The following SCAI variants were observed in gnomAD, a reference collection of about 807,000 sequenced individuals.
The protein encoded by SCAI is suppressor of cancer cell invasion.
In SCAI, 24 loss-of-function variants were observed where a neutral mutation model predicts 92.2. The observed-to-expected ratio is 0.26, with a 90% CI of 0.19 to 0.37. SCAI has a LOEUF of 0.37. SCAI is among the 10% of genes least tolerant of loss of function. The pLI, the probability that SCAI is intolerant of heterozygous loss-of-function variation, is 1.00. For missense variants in SCAI, 450 were observed against 736.2 expected (o/e 0.61, Z 4.50); for synonymous variants, 261 against 258.6 (o/e 1.01, Z -0.09).
chr9:125,000,107 T>C, intron 12 of SCAI, 117 bp from the exon 13 acceptor site: 1 of 477,780 alleles, frequency 2.1e-6, no homozygotes. Context: ...TAATTACACA[T>C]TTAAATTATT....
chr9:125,058,996 T>C (rs1223512565), intron 2 of SCAI, among the ~76,000 whole-genome samples: 2 of 152,164 alleles, frequency 1.3e-5, no homozygotes, highest in African/African-American at 4.8e-5. Flanking sequence ...AATATAGATA[T>C]AAATAAATGA....
At chr9:125,033,463 T>TAAC (rs201793470) in intron 3 of SCAI, among the ~76,000 whole-genome samples, 8,215 of 151,720 alleles carry the variant, frequency 0.054, 361 homozygotes, top group East Asian at 0.14. Context: ...AAATAAGGTA[T>TAAC]AACAACAACA....
At chr9:124,979,876 C>T (rs1311531262) in intron 14 of SCAI, among the ~76,000 whole-genome samples, 1 of 151,902 alleles carries the variant, frequency 6.6e-6, no homozygotes, top group Non-Finnish European at 1.5e-5. Flanking sequence ...GGTGAAACCC[C>T]ATCTCTACTA....
At chr9:125,018,235 C>T (rs1359250197) in intron 9 of SCAI, among the ~76,000 whole-genome samples, 1 of 151,856 alleles carries the variant, frequency 6.6e-6, no homozygotes, top group African/African-American at 2.4e-5. Flanking sequence ...GCTGGGATTA[C>T]AGGAGCATGC....
chr9:124,965,351 A>G (rs1831519672), intron 17 of SCAI, among the ~76,000 whole-genome samples: 1 of 152,046 alleles, frequency 6.6e-6, no homozygotes, highest in African/African-American at 2.4e-5. Context: ...CTCCTGTCTC[A>G]GCCTCCCGAG....
At chr9:125,018,060 T>C (rs1000712713) in intron 9 of SCAI, among the ~76,000 whole-genome samples, 1 of 151,936 alleles carries the variant, frequency 6.6e-6, no homozygotes, top group African/African-American at 2.4e-5. Context: ...TTTTGCTTGA[T>C]TGGAAAGTAG....
At chr9:124,997,528 A>G (rs1832264330) in intron 13 of SCAI, among the ~76,000 whole-genome samples, 1 of 152,178 alleles carries the variant, frequency 6.6e-6, no homozygotes, top group South Asian at 2.1e-4. Context: ...AGCTAGAAAA[A>G]TTCTAGAGCC....
chr9:125,034,816 G>T (rs576206267), intron 3 of SCAI, among the ~76,000 whole-genome samples: 8 of 152,124 alleles, frequency 5.3e-5, no homozygotes, highest in Admixed American at 2.0e-4. Flanking sequence ...ACTTAAGGAT[G>T]AATTCATTTG....
intron 2 of SCAI, among the ~76,000 whole-genome samples, chr9:125,079,017 T>C (rs1041949451): frequency 9.8e-5 from 15 of 152,334 alleles, no homozygotes; most frequent in African/African-American, 3.4e-4. Flanking sequence ...GATTCATCTA[T>C]TTTTGATATT....
chr9:125,121,483 G>C (rs1022063441), intron 2 of SCAI, among the ~76,000 whole-genome samples: 1 of 151,954 alleles, frequency 6.6e-6, no homozygotes, highest in Non-Finnish European at 1.5e-5. Flanking sequence ...CTTTGGAAAT[G>C]GCTAGAACTG....
In SCAI at chr9:125,046,196, G is replaced by GAGATATATAT. The variant is rs371482525; in HGVS notation, c.230+9679_230+9680insATATATATCT. On this transcript the variant is annotated intron_variant, in intron 3 of 17. Transcript: ENST00000336505. The stretch of plus-strand genomic sequence containing the variant: ...CAACAAGTGAATAAAGAAATTGTGA[G>GAGATATATAT]ATATATATATATATATATATATATA... Among the ~76,000 whole-genome samples, 22 of 51,868 alleles carry GAGATATATAT rather than the reference G, an allele frequency of 4.2e-4. 2 individuals carry two copies. The highest frequency in any genetic ancestry group is 6.8e-4 in the Non-Finnish European group (19 of 27,958). 34.0% of individuals were successfully genotyped at this position (51,868 alleles called of 152,430 possible).
chr9:125,120,933 A>C (rs1429102917), intron 2 of SCAI, among the ~76,000 whole-genome samples: 2 of 152,000 alleles, frequency 1.3e-5, no homozygotes, highest in East Asian at 1.9e-4. Context: ...CTTCCCAGAA[A>C]AAAAAGAGTG....
chr9:125,103,721 G>A (rs968580847), intron 2 of SCAI, among the ~76,000 whole-genome samples: 9 of 152,022 alleles, frequency 5.9e-5, no homozygotes, highest in Non-Finnish European at 1.3e-4. Context: ...TTATCTTTTC[G>A]ATTTCTCCTC....
intron 3 of SCAI, among the ~76,000 whole-genome samples, chr9:125,046,196 GATATATATAT>G (rs71374222): frequency 3.3e-4 from 17 of 51,880 alleles, no homozygotes; most frequent in South Asian, 9.7e-4. Context: ...GAAATTGTGA[GATATATATAT>G]ATATATATAT....
chr9:124,970,288 T>C (rs997232461), intron 17 of SCAI, among the ~76,000 whole-genome samples: 11 of 152,066 alleles, frequency 7.2e-5, no homozygotes, highest in African/African-American at 2.2e-4. Flanking sequence ...AAAGCTATAG[T>C]CAATCAACAT....
chr9:124,954,007 C>T (rs1054852684), intron 17 of SCAI, among the ~76,000 whole-genome samples: 4 of 152,154 alleles, frequency 2.6e-5, no homozygotes, highest in African/African-American at 9.7e-5. Context: ...CACAACCATG[C>T]GCAGCTAATT....
At chr9:124,966,195 TTAG>T (rs1000216324) in intron 17 of SCAI, among the ~76,000 whole-genome samples, 11 of 151,948 alleles carry the variant, frequency 7.2e-5, no homozygotes, top group African/African-American at 2.2e-4. Flanking sequence ...GTCATTTACA[TTAG>T]GTATATCTCC....
chr9:125,102,660 C>T (rs1378656112), intron 2 of SCAI, among the ~76,000 whole-genome samples: 4 of 151,898 alleles, frequency 2.6e-5, no homozygotes, highest in African/African-American at 7.3e-5. Flanking sequence ...TGCAGTGGCA[C>T]GATCTAAGCT....
intron 6 of SCAI, among the ~76,000 whole-genome samples, chr9:125,025,227 A>C (rs1261337538): frequency 1.3e-5 from 2 of 152,198 alleles, no homozygotes; most frequent in Non-Finnish European, 1.5e-5. Flanking sequence ...TTGTCCTTTG[A>C]TTCTAATTTA....
Sources: gnomAD v4.1 joint callset for allele counts (sites outside exome capture counted in the v4.1 genomes callset) on GRCh38, gnomAD v4.1.1 for gene constraint, MANE v1.5 for transcripts, NCBI Gene and HGNC (gene_info 2026-07-23, HGNC 2026-07-21) for gene names.